Variants in CACNA1E observed in about 807,000 individuals in gnomAD.
CACNA1E encodes the protein voltage-dependent R-type calcium channel subunit alpha-1E.
Under a neutral mutation model 259.2 loss-of-function variants are expected in CACNA1E, and 40 were observed. That is an observed-to-expected ratio of 0.15 (90% CI 0.12 to 0.20). The LOEUF is 0.20. CACNA1E is among the 10% of genes least tolerant of loss of function. CACNA1E has a pLI of 1.00. For synonymous variants in CACNA1E, 1,104 were observed against 1,138.5 expected, an observed-to-expected ratio of 0.97 and a Z score of 0.61; for missense variants, 1,874 against 3,040.1, an observed-to-expected ratio of 0.62 and a Z score of 9.02.
chr1:181,554,334 T>C (rs765104979), intron 3 of CACNA1E, among the ~76,000 whole-genome samples: 17 of 152,316 alleles, frequency 1.1e-4, no homozygotes, highest in Non-Finnish European at 2.4e-4. Flanking sequence ...TGTTATTCAG[T>C]AATCCATATA....
intron 7 of CACNA1E, among the ~76,000 whole-genome samples, chr1:181,657,105 C>A (rs1165536405): frequency 6.6e-6 from 1 of 152,136 alleles, no homozygotes; most frequent in Non-Finnish European, 1.5e-5. Context: ...ACACTCTAAG[C>A]ATTTAATTCC....
At chr1:181,672,062 G>T (rs1026459360) in intron 7 of CACNA1E, among the ~76,000 whole-genome samples, 2 of 152,172 alleles carry the variant, frequency 1.3e-5, no homozygotes, top group African/African-American at 4.8e-5. Flanking sequence ...CCATAAAAAA[G>T]AACAAGATTA....
chr1:181,630,221 C>G (rs1656588744), intron 6 of CACNA1E, among the ~76,000 whole-genome samples: 1 of 151,898 alleles, frequency 6.6e-6, no homozygotes, highest in Admixed American at 6.6e-5. Flanking sequence ...AAATAAGTAC[C>G]TAGAAATTAA....
At chr1:181,432,886 A>G (rs1271428355) in intron 2 of CACNA1E, among the ~76,000 whole-genome samples, 1 of 152,258 alleles carries the variant, frequency 6.6e-6, no homozygotes, top group Non-Finnish European at 1.5e-5. Context: ...AAAAGGAAAC[A>G]AGTAAAATCA....
chr1:181,667,591 A>C (rs1284906147), intron 7 of CACNA1E, among the ~76,000 whole-genome samples: 3 of 152,186 alleles, frequency 2.0e-5, no homozygotes, highest in African/African-American at 2.4e-5. Flanking sequence ...GTACAAATAC[A>C]TAAGGTTATC....
chr1:181,395,566 C>G (rs867513758), intron 1 of CACNA1E, among the ~76,000 whole-genome samples: 1 of 152,128 alleles, frequency 6.6e-6, no homozygotes, highest in African/African-American at 2.4e-5. Context: ...CATTTGGACT[C>G]AAGACTTTAA....
At chr1:181,488,902 C>T (rs968142437) in intron 1 of CACNA1E, among the ~76,000 whole-genome samples, 2 of 152,144 alleles carry the variant, frequency 1.3e-5, no homozygotes, top group South Asian at 2.1e-4. Context: ...AGGTGTTTTT[C>T]CCCCTCAAAT....
chr1:181,600,160 T>C (rs576811355), intron 6 of CACNA1E, among the ~76,000 whole-genome samples: 1 of 152,074 alleles, frequency 6.6e-6, no homozygotes, highest in South Asian at 2.1e-4. Context: ...GGAAGAGCAT[T>C]CCAGATGGAG....
intron 44 of CACNA1E, among the ~76,000 whole-genome samples, chr1:181,792,859 G>A (rs1243255975): frequency 6.6e-6 from 1 of 152,236 alleles, no homozygotes; most frequent in East Asian, 1.9e-4. Context: ...AAGAATGACA[G>A]AACCTTAGAG....
intron 7 of CACNA1E, among the ~76,000 whole-genome samples, chr1:181,701,948 G>A (rs1652304859): frequency 6.6e-6 from 1 of 152,080 alleles, no homozygotes; most frequent in Non-Finnish European, 1.5e-5. Flanking sequence ...TTTCTAGCAT[G>A]TGCCAGCAGA....
chr1:181,488,913 T>C (rs1319008352), intron 1 of CACNA1E, among the ~76,000 whole-genome samples: 1 of 152,206 alleles, frequency 6.6e-6, no homozygotes, highest in Non-Finnish European at 1.5e-5. Flanking sequence ...CCCCTCAAAT[T>C]CTGCTGCTTT....
intron 41 of CACNA1E, among the ~76,000 whole-genome samples, 154 bp downstream of exon 41, chr1:181,784,922 T>C (rs1460344352): frequency 6.6e-6 from 1 of 152,186 alleles, no homozygotes; most frequent in Non-Finnish European, 1.5e-5. Context: ...ACATGTTCTT[T>C]AAGATAGGTC....
Position 181,781,279 on chromosome 1 carries a change from T to G in CACNA1E, c.5268-148T>G, listed in dbSNP as rs2102821676. On this transcript the variant is annotated intron_variant, in intron 38 of 47. Transcript: ENST00000367573. ...TTGTTTTGTTTTTCTTCTCCTGTTT[T>G]CTGTATTTTGTTCGTTTTTGCTCTC... The G allele has an allele frequency of 4.9e-6, 3 of 611,044 alleles. No homozygotes were observed. In the East Asian group the frequency reaches 8.3e-5, roughly 17 times the overall value. The allele number at this position is 611,044 out of a possible 1,614,324, so 37.9% of individuals were successfully genotyped here.
At chr1:181,632,380 CTG>C (rs1363250926) in intron 6 of CACNA1E, among the ~76,000 whole-genome samples, 2 of 152,212 alleles carry the variant, frequency 1.3e-5, no homozygotes, top group Non-Finnish European at 2.9e-5. Flanking sequence ...CACTGGCTCT[CTG>C]TGTCATCCTG....
intron 1 of CACNA1E, among the ~76,000 whole-genome samples, chr1:181,397,532 G>C (rs1234333181): frequency 2.0e-5 from 3 of 152,050 alleles, no homozygotes; most frequent in Non-Finnish European, 4.4e-5. Context: ...AACTGGCCTC[G>C]AGTGATCCGC....
chr1:181,623,732 T>C lies in CACNA1E; in HGVS notation c.952-27606T>C, dbSNP rs114123023. On this transcript the variant is annotated intron_variant, in intron 6 of 47. Transcript: ENST00000367573. ...AATAACATCGTGTCAAAAAAACATA[T>C]CTACATACCTTAAATAAGAAATATA... Among the ~76,000 whole-genome samples, 732 of 152,302 alleles carry C rather than the reference T, an allele frequency of 4.8e-3. 7 individuals carry two copies. Among genetic ancestry groups the C allele is most frequent in the African/African-American group, 0.017 (707 of 41,560 alleles).
At chr1:181,434,888 T>A (rs1659975895) in intron 2 of CACNA1E, among the ~76,000 whole-genome samples, 2 of 152,230 alleles carry the variant, frequency 1.3e-5, no homozygotes, top group Non-Finnish European at 2.9e-5. Context: ...AGCGGGCTCA[T>A]GGGAGCTTCT....
intron 2 of CACNA1E, among the ~76,000 whole-genome samples, chr1:181,470,149 G>A (rs1206336112): frequency 2.0e-5 from 3 of 151,972 alleles, no homozygotes; most frequent in Middle Eastern, 3.4e-3. Context: ...GAGCGTGAGC[G>A]AGCTGCTTGA....
chr1:181,637,443 CCTCCCT>C (rs1316050503), intron 6 of CACNA1E, among the ~76,000 whole-genome samples: 1 of 147,860 alleles, frequency 6.8e-6, no homozygotes, highest in Non-Finnish European at 1.5e-5. Context: ...TCCCTCCCTC[CCTCCCT>C]CCCTCCCTTC....
Sources: allele counts gnomAD v4.1 joint callset (sites outside exome capture counted in the v4.1 genomes callset), GRCh38; gene constraint gnomAD v4.1.1; transcripts MANE v1.5; gene names NCBI Gene and HGNC (gene_info 2026-07-23, HGNC 2026-07-21).